LRTM3: variants seen among roughly 807,000 people sequenced by gnomAD.
LRTM3 encodes leucine rich repeat transmembrane protein 3, also known as leucine-rich repeat transmembrane protein 3.
At chr13:102,737,299 T>G in the LRTM3 span, 1 of 1,551,192 alleles carries the variant, frequency 6.4e-7, no homozygotes, top group South Asian at 1.2e-5. Flanking sequence ...TCTGCTGCCT[T>G]AGTTGCAAAG....
At chr13:102,730,699 G>A in the LRTM3 span, 3 of 1,551,892 alleles carry the variant, frequency 1.9e-6, no homozygotes, top group Non-Finnish European at 2.6e-6. Context: ...CTGTATCAAT[G>A]GAAAGACTAC....
chr13:102,743,845 CTG>C, the LRTM3 span: 4 of 1,550,410 alleles, frequency 2.6e-6, no homozygotes, highest in Non-Finnish European at 3.5e-6. Flanking sequence ...TTTCTGATAA[CTG>C]TGCTGTGTTC....
chr13:102,741,053 T>A, the LRTM3 span: 1 of 1,550,144 alleles, frequency 6.5e-7, no homozygotes, highest in Non-Finnish European at 8.7e-7. Flanking sequence ...CATGATTTCT[T>A]CTGCTGAGCC....
At chr13:102,740,826 C>T in the LRTM3 span, 1 of 1,549,678 alleles carries the variant, frequency 6.5e-7, no homozygotes, top group Non-Finnish European at 8.7e-7. Flanking sequence ...CTATTGATTG[C>T]CTTTAATGCT....
At chr13:102,745,019 G>T in the LRTM3 span, 1 of 1,550,776 alleles carries the variant, frequency 6.4e-7, no homozygotes, top group South Asian at 1.2e-5. Flanking sequence ...TGAATTTACT[G>T]TACATATTGT....
the LRTM3 span, chr13:102,732,131 G>A: frequency 3.2e-6 from 5 of 1,551,328 alleles, no homozygotes; most frequent in Non-Finnish European, 4.4e-6. Context: ...AATTGTTAAA[G>A]TGTCTCTCTT....
At chr13:102,733,023 C>T in the LRTM3 span, 1 of 1,551,384 alleles carries the variant, frequency 6.4e-7, no homozygotes, top group East Asian at 2.4e-5. Flanking sequence ...GGGTCAATCT[C>T]TGTCATATCC....
At chr13:102,744,961 T>G in the LRTM3 span, 75 of 1,550,716 alleles carry the variant, frequency 4.8e-5, no homozygotes, top group East Asian at 1.8e-3. Flanking sequence ...TTGCACCAGT[T>G]AAAACTTCAC....
the LRTM3 span, among the ~76,000 whole-genome samples, chr13:102,751,211 T>A: frequency 5.1e-4 from 78 of 152,236 alleles, no homozygotes; most frequent in Middle Eastern, 6.8e-3. Context: ...CTCAACCCCC[T>A]GACATACTCC....
chr13:102,755,942 C>A, the LRTM3 span, among the ~76,000 whole-genome samples: 1 of 52,790 alleles, frequency 1.9e-5, no homozygotes, highest in African/African-American at 6.9e-5. Flanking sequence ...TATATATATA[C>A]ATATATATAT....
At chr13:102,729,946 G>A in the LRTM3 span, 4 of 1,551,920 alleles carry the variant, frequency 2.6e-6, no homozygotes, top group Non-Finnish European at 3.5e-6. Context: ...ATTCAGTTAA[G>A]GGAGCTGAAG....
At chr13:102,738,676 T>C in the LRTM3 span, 1 of 1,550,634 alleles carries the variant, frequency 6.4e-7, no homozygotes, top group South Asian at 1.2e-5. Flanking sequence ...CTGATGACTC[T>C]TGGAGATTTG....
At chr13:102,746,282 A>G in the LRTM3 span, 8 of 1,550,990 alleles carry the variant, frequency 5.2e-6, no homozygotes, top group East Asian at 4.9e-5. Flanking sequence ...CGCTGCTTCT[A>G]ATAAAACTTT....
the LRTM3 span, chr13:102,735,869 G>A: frequency 1.3e-6 from 2 of 1,540,732 alleles, no homozygotes; most frequent in Non-Finnish European, 1.8e-6. Flanking sequence ...GAATGAAGCA[G>A]ATTTCCTCGG....
At chr13:102,752,712 T>C in the LRTM3 span, among the ~76,000 whole-genome samples, 1 of 152,226 alleles carries the variant, frequency 6.6e-6, no homozygotes, top group South Asian at 2.1e-4. Context: ...TGTGTTTCTC[T>C]AAAATTCATA....
chr13:102,738,291 C>T, the LRTM3 span: 1 of 1,550,830 alleles, frequency 6.4e-7, no homozygotes, highest in Non-Finnish European at 8.7e-7. Flanking sequence ...CCCTTACTGG[C>T]CACTCCATCT....
the LRTM3 span, chr13:102,741,135 T>C: frequency 1.3e-6 from 2 of 1,549,244 alleles, no homozygotes; most frequent in Non-Finnish European, 1.7e-6. Context: ...ATATTCTCTT[T>C]ATTCTGATAA....
chr13:102,745,750 A>C, the LRTM3 span: 6 of 1,551,100 alleles, frequency 3.9e-6, no homozygotes, highest in Non-Finnish European at 5.2e-6. Context: ...CTTCTCTTGC[A>C]TAAAATATGA....
chr13:102,745,155 T>G, the LRTM3 span: 1 of 1,550,586 alleles, frequency 6.4e-7, no homozygotes, highest in African/African-American at 1.4e-5. Context: ...TTTTCTAATT[T>G]GTGAAAGTCA....
Sources: gnomAD v4.1 joint callset for allele counts (sites outside exome capture counted in the v4.1 genomes callset) on GRCh38, gnomAD v4.1.1 for gene constraint, MANE v1.5 for transcripts, NCBI Gene and HGNC (gene_info 2026-07-23, HGNC 2026-07-21) for gene names.